Variants in POLR3H observed in about 807,000 individuals in gnomAD.
POLR3H encodes RNA polymerase III subunit H.
Under a neutral mutation model 25.5 loss-of-function variants are expected in POLR3H, and 17 were observed. The ratio of observed to expected loss-of-function variants is 0.67; its 90% CI spans 0.46 to 1.00. POLR3H has a LOEUF of 1.00. POLR3H is among the 50% of genes least tolerant of loss of function. The pLI is 0.00. For missense variants in POLR3H, 274 were observed against 265.0 expected, an observed-to-expected ratio of 1.03 and a Z score of -0.24; for synonymous variants, 129 against 103.0, an observed-to-expected ratio of 1.25 and a Z score of -1.53.
rs369064868 is a variant in POLR3H, at chr22:41,526,442, C to T, written c.*2841G>A. The T allele has an allele frequency of 3.1e-6, 5 of 1,612,308 alleles. No individual in the cohort carries two copies. The highest frequency in any genetic ancestry group is 2.2e-5 in the East Asian group (1 of 44,880). On this transcript the variant is annotated 3_prime_UTR_variant, in exon 6 of 6. Transcript: ENST00000355209. ...GTTTGGCCCCGTCCCTGACACTGCC[C>T]GCTACTACAAGGTGGGTCAGAGTTG...
Position 41,528,698 on chromosome 22 carries a change from T to A in POLR3H, c.*585A>T, listed in dbSNP as rs2066658332. The A allele has an allele frequency of 1.4e-5, 21 of 1,531,936 alleles. No homozygotes were observed. The South Asian group carries it at 2.5e-4, about 18-fold the overall frequency. 94.9% of individuals were successfully genotyped at this position (1,531,936 alleles called of 1,614,324 possible). A position where few individuals can be genotyped will look rare whatever the true frequency, so the allele number is the denominator to read the frequency against. Reference sequence around the variant, plus strand: ...GGATCCGATCCGTCCAGCCATGGCTTCCTATTCCAAGATGGTGTGACCAGA... The same window carrying A: ...GGATCCGATCCGTCCAGCCATGGCTACCTATTCCAAGATGGTGTGACCAGA... On this transcript the variant is annotated 3_prime_UTR_variant, in exon 6 of 6. Coordinates refer to ENST00000355209, the MANE Select transcript of POLR3H (RefSeq NM_001018050.4).
chr22:41,542,047 C>T (rs1401265595), intron 1 of POLR3H, among the ~76,000 whole-genome samples: 1 of 151,812 alleles, frequency 6.6e-6, no homozygotes, highest in Non-Finnish European at 1.5e-5. Flanking sequence ...GCCCAAGCCA[C>T]ACCAGCCTCT....
intron 2 of POLR3H, among the ~76,000 whole-genome samples, chr22:41,534,886 C>T (rs2066813984): frequency 9.1e-6 from 1 of 109,776 alleles, no homozygotes; most frequent in African/African-American, 2.8e-5. Context: ...AAGAGTGAAA[C>T]TCTGTCAAAA....
In POLR3H at chr22:41,529,274, G is replaced by C; in HGVS notation, c.*9C>G. 1 of 1,612,448 alleles carries C rather than the reference G, an allele frequency of 6.2e-7. No homozygotes were observed. The highest frequency in any genetic ancestry group is 8.5e-7 in the Non-Finnish European group (1 of 1,179,290). On this transcript the variant is annotated 3_prime_UTR_variant, in exon 6 of 6. Transcript: ENST00000355209. ...GCAGGCTGGTAGGGTCCACTGTCCA[G>C]CCCCAGGGCTAGTTGCTGGTCCACC...
rs138492752 is a variant in POLR3H, at chr22:41,529,451, C to T, written c.562-115G>A. On this transcript the variant is annotated intron_variant, in intron 5 of 5. Transcript: ENST00000355209. ...ACAGGCAAAGAAGAGGCGGGGCACACGGCAGCCAAGAGGCTCTGGAGAGAT... is the reference window on the plus strand; with the variant it reads ...ACAGGCAAAGAAGAGGCGGGGCACATGGCAGCCAAGAGGCTCTGGAGAGAT... The T allele has an allele frequency of 1.1e-4, 95 of 881,688 alleles. 1 individual carries two copies. The highest frequency in any genetic ancestry group is 1.4e-4 in the Non-Finnish European group (79 of 550,714). The allele number at this position is 881,688 out of a possible 1,614,324, so 54.6% of individuals were successfully genotyped here. A position where few individuals can be genotyped will look rare whatever the true frequency, so the allele number is the denominator to read the frequency against.
chr22:41,543,914 C>A, intron 1 of POLR3H, 77 bp downstream of exon 1: 2 of 1,035,856 alleles, frequency 1.9e-6, no homozygotes, highest in East Asian at 2.5e-5. Context: ...TTGGCATGAC[C>A]GAGGCCGGGC....
At chr22:41,535,700 G>A (rs1321544560) in intron 2 of POLR3H, among the ~76,000 whole-genome samples, 5 of 152,318 alleles carry the variant, frequency 3.3e-5, no homozygotes, top group South Asian at 4.1e-4. Context: ...CAGGCCGGGC[G>A]CTGTGGCTCA....
At chr22:41,533,179 C>T (rs955884242) in intron 2 of POLR3H, among the ~76,000 whole-genome samples, 3 of 152,318 alleles carry the variant, frequency 2.0e-5, no homozygotes, top group South Asian at 4.1e-4. Flanking sequence ...TGTTGTGAGG[C>T]GCAGGCCAGC....
At chr22:41,531,538 T>C (rs1403234527) in intron 4 of POLR3H, among the ~76,000 whole-genome samples, 2 of 152,258 alleles carry the variant, frequency 1.3e-5, no homozygotes, top group Non-Finnish European at 2.9e-5. Context: ...CCAGGTCCCG[T>C]GCTGTGCACC....
Position 41,526,110 on chromosome 22 carries a change from G to C in POLR3H, c.*3173C>G. The C allele has an allele frequency of 6.2e-6, 4 of 646,140 alleles. No homozygotes were observed. In the East Asian group the frequency reaches 1.1e-4, roughly 18 times the overall value. The allele number at this position is 646,140 out of a possible 1,614,324, so 40.0% of individuals were successfully genotyped here. The stretch of plus-strand genomic sequence containing the variant: ...TGTGGCCTTAGGGTGGAAGCACCAG[G>C]ACCACAGAACACGTGTCTGAAGACT... On this transcript the variant is annotated 3_prime_UTR_variant, in exon 6 of 6. Coordinates refer to ENST00000355209, the MANE Select transcript of POLR3H (RefSeq NM_001018050.4).
In POLR3H at chr22:41,530,756, C is replaced by T; in HGVS notation, c.492G>A (p.Gly164=). 6.2e-7 allele frequency: 1 copy of T among 1,614,012 alleles called. No homozygotes were observed. Among genetic ancestry groups the T allele is most frequent in the Non-Finnish European group, 8.5e-7 (1 of 1,180,042 alleles). Residue 164 remains glycine, a synonymous_variant, in exon 5 of 6, where the codon GGG becomes GGA. Transcript: ENST00000355209. ...AAGTGGTGGCATCTGCTGAGCTGGG[C>T]CCTGTGGGGGACGTGTCAACAAAGC... ...DESFVDTSPT[G]PSSADATTSS...
chr22:41,529,210 A>C lies in POLR3H; in HGVS notation c.*73T>G. On this transcript the variant is annotated 3_prime_UTR_variant, in exon 6 of 6. Transcript: ENST00000355209. ...ACACTATCTCCTTAGCATCGGCCTC[A>C]GCTGCTGTTGTCTTCACAGCCGGCC... 1 of 1,342,678 alleles carries C rather than the reference A, an allele frequency of 7.4e-7. No individual in the cohort carries two copies. Among genetic ancestry groups the C allele is most frequent in the Non-Finnish European group, 1.0e-6 (1 of 953,704 alleles). The allele number at this position is 1,342,678 out of a possible 1,614,324, so 83.2% of individuals were successfully genotyped here.
At position 41,527,168 on chromosome 22, in the gene POLR3H, C is replaced by T. The variant is rs1221554955; in HGVS notation, c.*2115G>A. ...CAGGCGAGGAAGGGCCCCTCCAGCC[C>T]CTTTACCGGGAGCCTCAGGATGCCC... On this transcript the variant is annotated 3_prime_UTR_variant, in exon 6 of 6. Coordinates refer to ENST00000355209, the MANE Select transcript of POLR3H (RefSeq NM_001018050.4). The T allele has an allele frequency of 1.3e-6, 2 of 1,489,220 alleles. No individual in the cohort carries two copies. The highest frequency in any genetic ancestry group is 1.8e-6 in the Non-Finnish European group (2 of 1,083,518). The allele number at this position is 1,489,220 out of a possible 1,614,324, so 92.3% of individuals were successfully genotyped here.
chr22:41,536,866 CAA>C (rs576432041), intron 2 of POLR3H, among the ~76,000 whole-genome samples: 11 of 55,636 alleles, frequency 2.0e-4, no homozygotes, highest in Non-Finnish European at 3.5e-4. Flanking sequence ...GACTCTGTCT[CAA>C]AAAAAAAAAA....
At chr22:41,539,652 C>T (rs2066900023) in intron 2 of POLR3H, 1 of 152,294 alleles carries the variant, frequency 6.6e-6, no homozygotes, top group Non-Finnish European at 1.5e-5. Flanking sequence ...TCACCCTAGC[C>T]AACGGGATGG....
chr22:41,530,286 T>C (rs2066701144), intron 5 of POLR3H, among the ~76,000 whole-genome samples: 1 of 152,010 alleles, frequency 6.6e-6, no homozygotes, highest in Admixed American at 6.6e-5. Context: ...CTAATTGTTT[T>C]TTATAGAGAC....
chr22:41,538,775 C>A (rs970826768), intron 2 of POLR3H, among the ~76,000 whole-genome samples: 3 of 152,198 alleles, frequency 2.0e-5, no homozygotes, highest in Non-Finnish European at 4.4e-5. Context: ...CCTGTTTCTT[C>A]GGCCTCTCGG....
chr22:41,541,815 C>T (rs960204320), intron 1 of POLR3H, among the ~76,000 whole-genome samples: 19 of 152,210 alleles, frequency 1.2e-4, no homozygotes, highest in Non-Finnish European at 2.2e-4. Flanking sequence ...CACTTAAAGA[C>T]TCCATGAGTT....
At chr22:41,540,164 T>C in intron 2 of POLR3H, 1 of 248,744 alleles carries the variant, frequency 4.0e-6, no homozygotes, top group South Asian at 5.0e-5. Flanking sequence ...TGTCCTACTA[T>C]CCAAGTCCCC....
Sources: gnomAD v4.1 joint callset for allele counts (sites outside exome capture counted in the v4.1 genomes callset) on GRCh38, gnomAD v4.1.1 for gene constraint, MANE v1.5 for transcripts, NCBI Gene and HGNC (gene_info 2026-07-23, HGNC 2026-07-21) for gene names.